HRH3: variants seen among roughly 807,000 people sequenced by gnomAD.
HRH3 encodes the protein histamine receptor H3.
Under a neutral mutation model 21.6 loss-of-function variants are expected in HRH3, and 13 were observed. The observed-to-expected ratio is 0.60, with a 90% confidence interval of 0.39 to 0.96. The LOEUF (loss-of-function observed/expected upper bound fraction) is 0.96. Ranked by LOEUF, HRH3 falls within the 40% of genes least tolerant of loss-of-function variation. HRH3 has a pLI of 0.00. For synonymous variants in HRH3, 276 were observed against 290.3 expected (o/e 0.95, Z 0.50); for missense variants, 461 against 622.7 (o/e 0.74, Z 2.76).
Position 62,216,860 on chromosome 20 carries a change from G to A in HRH3, c.484C>T (p.Leu162=), listed in dbSNP as rs1400779872. The stretch of plus-strand genomic sequence containing the variant: ...GCTGGTCCGTACAGCAGGAAGGCCA[G>A]CACCCACACCAGCAGCATCTTCCGC... ...AVRKMLLVWV[L]AFLLYGPAIL... is the part of the protein sequence containing the mutation. Residue 162 remains leucine, a synonymous_variant, in exon 3 of 3, where the codon CTG becomes TTG. Transcript: ENST00000340177. 9 of 1,612,640 alleles carry A rather than the reference G, an allele frequency of 5.6e-6. No homozygotes were observed. Among genetic ancestry groups the A allele is most frequent in the Admixed American group, 5.0e-5 (3 of 60,010 alleles).
In HRH3 at chr20:62,219,965, C is replaced by T. The variant is rs1345588835; in HGVS notation, c.6G>A (p.Glu2=). 3 of 1,045,216 alleles carry T rather than the reference C, an allele frequency of 2.9e-6. No homozygotes were observed. The African/African-American group carries it at 5.2e-5, about 18-fold the overall frequency. 64.7% of individuals were successfully genotyped at this position (1,045,216 alleles called of 1,614,324 possible). A position where few individuals can be genotyped will look rare whatever the true frequency, so the allele number is the denominator to read the frequency against. ...TCAGCGGCCCGTCGGGCGGCGCGCG[C>T]TCCATGGCCCCGCAGGCTCACGCGG... M[E]RAPPDGPLNA... The change falls in exon 1 of 3, where the codon GAG becomes GAA. Residue 2 remains glutamate (E), a synonymous_variant. Coordinates refer to ENST00000340177, the MANE Select transcript of HRH3 (RefSeq NM_007232.3). This position sits in a 1 kb window ranked among gnomAD's most constrained non-coding sequence, Gnocchi z 8.7.
rs1387979020 is a variant in HRH3, at chr20:62,220,151, C to T, written c.-181G>A. On this transcript the variant is annotated 5_prime_UTR_variant, in exon 1 of 3. Coordinates refer to ENST00000340177, the MANE Select transcript of HRH3 (RefSeq NM_007232.3). ...GGGCCGGGGCCAGAGCAGGCGGTGC[C>T]GAGGGGGCCGGGGCCGGATCCGAGC... 1.4e-4 allele frequency: 51 copies of T among 372,690 alleles called. No homozygotes were observed. Among genetic ancestry groups the T allele is most frequent in the Non-Finnish European group, 1.8e-4 (50 of 271,254 alleles). 23.1% of individuals were successfully genotyped at this position (372,690 alleles called of 1,614,324 possible).
At position 62,219,782 on chromosome 20, in the gene HRH3, C is replaced by G. The variant is rs892353806; in HGVS notation, c.189G>C (p.Ser63=). Residue 63 remains serine (S), a synonymous_variant, in exon 1 of 3, where the codon TCG becomes TCC. Transcript: ENST00000340177. This position sits in a 1 kb window ranked among gnomAD's most constrained non-coding sequence, Gnocchi z 8.7. ...ALVMLAFVAD[S]SLRTQNNFFL... Reference sequence around the variant, plus strand: ...AGAAGTTGTTCTGGGTGCGGAGGCTCGAGTCGGCCACGAAGGCGAGCATGA... The same window carrying G: ...AGAAGTTGTTCTGGGTGCGGAGGCTGGAGTCGGCCACGAAGGCGAGCATGA... 20 of 1,605,772 alleles carry G rather than the reference C, an allele frequency of 1.2e-5. No individual in the cohort carries two copies. Among genetic ancestry groups the G allele is most frequent in the Middle Eastern group, 1.6e-4 (1 of 6,068 alleles).
rs1978551700 is a variant in HRH3, at chr20:62,216,430, G to C, written c.914C>G (p.Ser305Cys). 1.3e-6 allele frequency: 2 copies of C among 1,538,074 alleles called. No individual in the cohort carries two copies. Among genetic ancestry groups the C allele is most frequent in the South Asian group, 2.4e-5 (2 of 84,042 alleles). The change falls in exon 3 of 3, where the codon TCC becomes TGC. Residue 305 changes from serine to cysteine, a missense_variant. Transcript: ENST00000340177. ...GGGGSVASPT[S>C]SSGSSSRGTE... ...GCCCCTCGAGGAGCTGCCGGAGCTG[G>C]AGGTGGGTGAAGCCACGGAGCCGCC... is the stretch of plus-strand genomic sequence containing the variant.
At chr20:62,216,953 CG>C in intron 2 of HRH3, 27 bp from the exon 3 acceptor site, 1 of 1,563,862 alleles carries the variant, frequency 6.4e-7, no homozygotes. Flanking sequence ...TGGTCAGGGG[CG>C]GGGCGGAAGG....
chr20:62,216,648 C>G lies in HRH3; in HGVS notation c.696G>C (p.Arg232=), dbSNP rs565206178. The G allele has an allele frequency of 1.2e-6, 2 of 1,612,584 alleles. No individual in the cohort carries two copies. Among genetic ancestry groups the G allele is most frequent in the Non-Finnish European group, 1.7e-6 (2 of 1,179,882 alleles). The change falls in exon 3 of 3, where the codon CGG becomes CGC. Residue 232 remains arginine (R), a synonymous_variant. Coordinates refer to ENST00000340177, the MANE Select transcript of HRH3 (RefSeq NM_007232.3). ...YLNIQRRTRL[R]LDGAREAAGP... is the part of the protein sequence containing the mutation. The stretch of plus-strand genomic sequence containing the variant: ...CGGCTGCCTCTCGAGCCCCATCCAG[C>G]CGGAGGCGGGTGCGCCTCTGGATGT...
chr20:62,216,805 C>A lies in HRH3; in HGVS notation c.539G>T (p.Gly180Val). Residue 180 changes from glycine (G) to valine (V), a missense_variant, in exon 3 of 3, where the codon GGC becomes GTC. Gly to Val is a moderately radical substitution (Grantham distance 109). Coordinates refer to ENST00000340177, the MANE Select transcript of HRH3 (RefSeq NM_007232.3). ...AILSWEYLSG[G>V]SSIPEGHCYA... The stretch of plus-strand genomic sequence containing the variant: ...GCAGTGGCCCTCGGGGATGGAGCTG[C>A]CCCCGGACAGGTACTCCCAGCTCAG... 6.2e-7 allele frequency: 1 copy of A among 1,612,970 alleles called. No homozygotes were observed. The highest frequency in any genetic ancestry group is 8.5e-7 in the Non-Finnish European group (1 of 1,179,976).
chr20:62,215,725 G>A lies in HRH3; in HGVS notation c.*281C>T, dbSNP rs201115320. ...TGCGAAGGGTGGGCACCAGCAGGGG[G>A]TGGGCAGCATGTCTGGGACCTCCAG... is the stretch of plus-strand genomic sequence containing the variant. On this transcript the variant is annotated 3_prime_UTR_variant, in exon 3 of 3. Transcript: ENST00000340177. 1.1e-3 allele frequency: 578 copies of A among 519,220 alleles called. 3 individuals are homozygous for A. The highest frequency in any genetic ancestry group is 0.01 in the African/African-American group (539 of 52,420). The allele number at this position is 519,220 out of a possible 1,614,324, so 32.2% of individuals were successfully genotyped here.
chr20:62,217,109 A>C (rs1441317226), intron 2 of HRH3, among the ~76,000 whole-genome samples, 183 bp from the exon 3 acceptor site: 1 of 150,116 alleles, frequency 6.7e-6, no homozygotes, highest in Non-Finnish European at 1.5e-5. Flanking sequence ...GGGGTCCCGG[A>C]CTGGTGCCCT....
rs1040847543 is a variant in HRH3, at chr20:62,216,111, G to C, written c.1233C>G (p.Leu411=). 4.3e-6 allele frequency: 7 copies of C among 1,612,778 alleles called. No homozygotes were observed. Among genetic ancestry groups the C allele is most frequent in the Non-Finnish European group, 5.9e-6 (7 of 1,179,868 alleles). The stretch of plus-strand genomic sequence containing the variant: ...GGAAGCTGTGGTGGCACAGAGGGTA[G>C]AGGACAGGGTTGACAGCCGAGTTGG... ...LWANSAVNPV[L]YPLCHHSFRR... The change falls in exon 3 of 3, where the codon CTC becomes CTG. Residue 411 remains leucine (L), a synonymous_variant. Transcript: ENST00000340177.
chr20:62,215,437 A>G lies in HRH3; in HGVS notation c.*569T>C. ...AACACCCAGAATGGAAAAGCAGAGA[A>G]CAGCTTCGAGGTTCCTAGGGCCCCT... On this transcript the variant is annotated 3_prime_UTR_variant, in exon 3 of 3. Coordinates refer to ENST00000340177, the MANE Select transcript of HRH3 (RefSeq NM_007232.3). 1 of 457,194 alleles carries G rather than the reference A, an allele frequency of 2.2e-6. No homozygotes were observed. The allele number at this position is 457,194 out of a possible 1,614,324, so 28.3% of individuals were successfully genotyped here.
chr20:62,215,709 T>G lies in HRH3; in HGVS notation c.*297A>C, dbSNP rs202000164. ...AACACCAACCAGTAACTGCGAAGGG[T>G]GGGCACCAGCAGGGGGTGGGCAGCA... On this transcript the variant is annotated 3_prime_UTR_variant, in exon 3 of 3. Transcript: ENST00000340177. 2.9e-5 allele frequency: 14 copies of G among 487,946 alleles called. No homozygotes were observed. Among genetic ancestry groups the G allele is most frequent in the Non-Finnish European group, 5.3e-5 (14 of 265,966 alleles). 30.2% of individuals were successfully genotyped at this position (487,946 alleles called of 1,614,324 possible).
Position 62,218,633 on chromosome 20 carries a change from A to G in HRH3, c.275T>C (p.Val92Ala). ...LVGAFCIPLY[V>A]PYVLTGRWTF... ...CCAGCGGCCTGTCAGCACGTAGGGT[A>G]CATACAGTGGGATGCAGAAGGCGCC... Residue 92 changes from valine to alanine, a missense_variant, in exon 2 of 3, where the codon GTA becomes GCA. Coordinates refer to ENST00000340177, the MANE Select transcript of HRH3 (RefSeq NM_007232.3). The surrounding 1 kb of genome is among the most constrained non-coding windows in gnomAD (Gnocchi z 5.6). 6.2e-7 allele frequency: 1 copy of G among 1,612,126 alleles called. No homozygotes were observed. Among genetic ancestry groups the G allele is most frequent in the Non-Finnish European group, 8.5e-7 (1 of 1,179,848 alleles).
Position 62,216,084 on chromosome 20 carries a change from G to A in HRH3, c.1260C>T (p.Arg420=), listed in dbSNP as rs745467842. The A allele has an allele frequency of 2.5e-6, 4 of 1,610,674 alleles. No individual in the cohort carries two copies. In the South Asian group the frequency reaches 3.3e-5, roughly 13 times the overall value. ...GGCAGAGCAGCTTGGTGAAGGCCCG[G>A]CGGAAGCTGTGGTGGCACAGAGGGT... is the stretch of plus-strand genomic sequence containing the variant. The part of the protein sequence containing the change: ...VLYPLCHHSF[R]RAFTKLLCPQ... The change falls in exon 3 of 3, where the codon CGC becomes CGT. Residue 420 remains arginine, a synonymous_variant. Coordinates refer to ENST00000340177, the MANE Select transcript of HRH3 (RefSeq NM_007232.3).
chr20:62,220,152 G>A lies in HRH3; in HGVS notation c.-182C>T, dbSNP rs1250762364. The A allele has an allele frequency of 5.5e-6, 2 of 364,190 alleles. No homozygotes were observed. Among genetic ancestry groups the A allele is most frequent in the Non-Finnish European group, 7.6e-6 (2 of 263,422 alleles). 22.6% of individuals were successfully genotyped at this position (364,190 alleles called of 1,614,324 possible). A position where few individuals can be genotyped will look rare whatever the true frequency, so the allele number is the denominator to read the frequency against. Reference sequence around the variant, plus strand: ...GGCCGGGGCCAGAGCAGGCGGTGCCGAGGGGGCCGGGGCCGGATCCGAGCC... The same window carrying A: ...GGCCGGGGCCAGAGCAGGCGGTGCCAAGGGGGCCGGGGCCGGATCCGAGCC... On this transcript the variant is annotated 5_prime_UTR_variant, in exon 1 of 3. Coordinates refer to ENST00000340177, the MANE Select transcript of HRH3 (RefSeq NM_007232.3).
At position 62,215,921 on chromosome 20, in the gene HRH3, C is replaced by T. The variant is rs960522855; in HGVS notation, c.*85G>A. On this transcript the variant is annotated 3_prime_UTR_variant, in exon 3 of 3. Transcript: ENST00000340177. Reference sequence around the variant, plus strand: ...ACGGCGGGGCTCACCCCTGGGGGAACGAGCCGGGTAGGGGGCAGCAGGGCC... The same window carrying T: ...ACGGCGGGGCTCACCCCTGGGGGAATGAGCCGGGTAGGGGGCAGCAGGGCC... 22 of 1,318,846 alleles carry T rather than the reference C, an allele frequency of 1.7e-5. 1 individual carries two copies. Among genetic ancestry groups the T allele is most frequent in the East Asian group, 2.5e-5 (1 of 39,624 alleles). 81.7% of individuals were successfully genotyped at this position (1,318,846 alleles called of 1,614,324 possible). A position where few individuals can be genotyped will look rare whatever the true frequency, so the allele number is the denominator to read the frequency against.
chr20:62,215,779 G>A lies in HRH3; in HGVS notation c.*227C>T, dbSNP rs201498344. 4 of 572,956 alleles carry A rather than the reference G, an allele frequency of 7.0e-6. No individual in the cohort carries two copies. Among genetic ancestry groups the A allele is most frequent in the Non-Finnish European group, 1.2e-5 (4 of 321,584 alleles). 35.5% of individuals were successfully genotyped at this position (572,956 alleles called of 1,614,324 possible). A position where few individuals can be genotyped will look rare whatever the true frequency, so the allele number is the denominator to read the frequency against. ...GTCCCTCCCGGTGGAGCCAGAATGT[G>A]GGGGGCAGGGCCGGCCACCCAGCCT... On this transcript the variant is annotated 3_prime_UTR_variant, in exon 3 of 3. Coordinates refer to ENST00000340177, the MANE Select transcript of HRH3 (RefSeq NM_007232.3).
Position 62,216,481 on chromosome 20 carries a change from TC to T in HRH3, c.862del (p.Glu288ArgfsTer50). 6.4e-7 allele frequency: 1 copy of T among 1,561,510 alleles called. No homozygotes were observed. The highest frequency in any genetic ancestry group is 2.4e-5 in the East Asian group (1 of 42,444). On this transcript the variant is annotated frameshift_variant, in exon 3 of 3. Transcript: ENST00000340177. LOFTEE classifies it high-confidence loss of function. ...GEAAVGAEAG[E>X]ATLGGGGGGG... ...CCCACCGCCACCCCCGAGGGTCGCC[TC>T]CCCGGCCTCAGCGCCTACGGCCGCC... is the stretch of plus-strand genomic sequence containing the variant.
At chr20:62,217,361 GGTCCAGCCCCAC>G (rs1978619004) in intron 2 of HRH3, among the ~76,000 whole-genome samples, 1 of 152,214 alleles carries the variant, frequency 6.6e-6, no homozygotes, top group Admixed American at 6.5e-5. Context: ...TGGGGTGGGA[GGTCCAGCCCCAC>G]TCCTGCACAG....
Sources: allele counts gnomAD v4.1 joint callset (sites outside exome capture counted in the v4.1 genomes callset), GRCh38; gene constraint gnomAD v4.1.1; non-coding constraint Gnocchi (gnomAD v3.1); transcripts MANE v1.5; gene names NCBI Gene and HGNC (gene_info 2026-07-23, HGNC 2026-07-21).